TRPM6: variants seen among roughly 807,000 people sequenced by gnomAD.
TRPM6 encodes transient receptor potential cation channel subfamily M member 6.
In TRPM6, 111 loss-of-function variants were observed where a neutral mutation model predicts 247.6. The observed-to-expected ratio is 0.45, with a 90% CI of 0.38 to 0.52. The LOEUF (loss-of-function observed/expected upper bound fraction) is 0.52. TRPM6 is among the 20% of genes least tolerant of loss of function. TRPM6 has a pLI of 0.00. For missense variants in TRPM6, 2,126 were observed against 2,421.5 expected, an observed-to-expected ratio of 0.88 and a Z score of 2.56; for synonymous variants, 892 against 853.8, an observed-to-expected ratio of 1.04 and a Z score of -0.78.
chr9:74,769,166 GAC>G (rs918420493), intron 25 of TRPM6, among the ~76,000 whole-genome samples: 3 of 152,122 alleles, frequency 2.0e-5, no homozygotes, highest in Non-Finnish European at 4.4e-5. Context: ...GTTTGCTTGA[GAC>G]ACAGTCTCAT....
intron 36 of TRPM6, among the ~76,000 whole-genome samples, chr9:74,735,837 C>T (rs978696972): frequency 6.6e-6 from 1 of 152,114 alleles, no homozygotes; most frequent in Non-Finnish European, 1.5e-5. Context: ...GGTGTGGCAG[C>T]TTCTGGGGTT....
intron 6 of TRPM6, among the ~76,000 whole-genome samples, chr9:74,831,398 G>A (rs1329089287): frequency 6.6e-6 from 1 of 152,154 alleles, no homozygotes; most frequent in Non-Finnish European, 1.5e-5. Context: ...GCTGAGGCAG[G>A]AGAATCGCTT....
chr9:74,780,080 A>G (rs1418708066), intron 23 of TRPM6, among the ~76,000 whole-genome samples: 1 of 151,778 alleles, frequency 6.6e-6, no homozygotes, highest in Non-Finnish European at 1.5e-5. Context: ...GCTGAGGCAG[A>G]AGAATCACTT....
rs1462155210 is a variant in TRPM6, at chr9:74,785,947, C to A, written c.2846G>T (p.Trp949Leu). ...AAAGAAGTCCAGGAGCCGTGAGAAC[C>A]AGAATATGATGTCTATGCAGTAGAT... ...RLIYCIDIIF[W>L]FSRLLDFFAV... The change falls in exon 21 of 39, where the codon TGG (tryptophan) becomes TTG (leucine). Residue 949 changes from tryptophan (W) to leucine (L), a missense_variant. By Grantham distance (61) the Trp-to-Leu change is moderately conservative (BLOSUM62 -2). Coordinates refer to ENST00000360774, the MANE Select transcript of TRPM6 (RefSeq NM_017662.5). The A allele has an allele frequency of 6.2e-7, 1 of 1,614,218 alleles. No homozygotes were observed. The highest frequency in any genetic ancestry group is 8.5e-7 in the Non-Finnish European group (1 of 1,180,048).
intron 19 of TRPM6, among the ~76,000 whole-genome samples, chr9:74,790,006 A>ATG (rs71912381): frequency 0.17 from 22,991 of 132,420 alleles, 1,961 homozygotes; most frequent in Middle Eastern, 0.2. Flanking sequence ...TGAGAGAAAA[A>ATG]TGTGTGTGTG....
At position 74,786,065 on chromosome 9, in the gene TRPM6, A is replaced by G. The variant is rs1346138184; in HGVS notation, c.2728T>C (p.Trp910Arg). ...QKVKVWISEY[W>R]NLTETVAIGL... ...ATGGCCACAGTTTCTGTTAAGTTCC[A>G]GTACTCACTAATCCATACCTTCACC... Residue 910 changes from tryptophan to arginine, a missense_variant, in exon 21 of 39, where the codon TGG becomes CGG. Transcript: ENST00000360774. 1 of 1,614,116 alleles carries G rather than the reference A, an allele frequency of 6.2e-7. No individual in the cohort carries two copies. Among genetic ancestry groups the G allele is most frequent in the Non-Finnish European group, 8.5e-7 (1 of 1,180,046 alleles).
intron 3 of TRPM6, 104 bp from the exon 4 acceptor site, chr9:74,842,447 A>G: frequency 8.7e-7 from 1 of 1,153,228 alleles, no homozygotes; most frequent in Non-Finnish European, 1.3e-6. Flanking sequence ...ACTATTTCTT[A>G]AAACTTCACA....
Position 74,724,629 on chromosome 9 carries a change from T to C in TRPM6, c.6053A>G (p.Asp2018Gly), listed in dbSNP as rs1324000654. Residue 2018 changes from aspartate to glycine, a missense_variant, in exon 39 of 39, where the codon GAT (aspartate) becomes GGT (glycine). Asp to Gly is a moderately conservative substitution (Grantham distance 94, BLOSUM62 -1). This residue lies in a region of TRPM6 where 327 missense variants were observed against 397.7 expected (regional missense o/e 0.82). Transcript: ENST00000360774. ...ARETGRNSPE[D>G]DMQL ...CCTCCCTTTTTATAGTTGCATATCA[T>C]CTTCTGGGGAATTTCTACCCGTCTC... The C allele has an allele frequency of 6.2e-7, 1 of 1,614,224 alleles. No individual in the cohort carries two copies. Among genetic ancestry groups the C allele is most frequent in the African/African-American group, 1.3e-5 (1 of 75,070 alleles).
intron 11 of TRPM6, 32 bp from the exon 12 acceptor site, chr9:74,812,465 C>T (rs768400959): frequency 5.7e-6 from 9 of 1,585,572 alleles, no homozygotes; most frequent in South Asian, 2.2e-5. Context: ...AATATAAAGA[C>T]AATTAAGAAA....
chr9:74,723,060 C>A lies in TRPM6; in HGVS notation c.*1553G>T, dbSNP rs1273882272. 1 of 152,046 alleles carries A rather than the reference C, an allele frequency of 6.6e-6. No individual in the cohort carries two copies. 9.4% of individuals were successfully genotyped at this position (152,046 alleles called of 1,614,324 possible). On this transcript the variant is annotated 3_prime_UTR_variant, in exon 39 of 39. Coordinates refer to ENST00000360774, the MANE Select transcript of TRPM6 (RefSeq NM_017662.5). Reference sequence around the variant, plus strand: ...ATAGGATGGGGAGAGGACTCCCAGCCCCACATCTCTCCTTGTGTGAAAAGC... The same window carrying A: ...ATAGGATGGGGAGAGGACTCCCAGCACCACATCTCTCCTTGTGTGAAAAGC...
intron 16 of TRPM6, 49 bp from the exon 17 acceptor site, chr9:74,800,531 G>A (rs755204071): frequency 1.6e-6 from 2 of 1,269,410 alleles, no homozygotes; most frequent in South Asian, 1.2e-5. Context: ...TGAGAGAGCT[G>A]CATTATTAGA....
At chr9:74,788,361 A>C in intron 20 of TRPM6, among the ~76,000 whole-genome samples, 1 of 152,232 alleles carries the variant, frequency 6.6e-6, no homozygotes, top group East Asian at 1.9e-4. Context: ...AAACACACCA[A>C]GATATCCACT....
chr9:74,802,019 G>C lies in TRPM6; in HGVS notation c.1888C>G (p.His630Asp). 1 of 1,614,190 alleles carries C rather than the reference G, an allele frequency of 6.2e-7. No homozygotes were observed. The highest frequency in any genetic ancestry group is 8.5e-7 in the Non-Finnish European group (1 of 1,180,040). ...RQKMAMFFWQHGEEATVKAVI... is the reference protein window; with the variant it reads ...RQKMAMFFWQDGEEATVKAVI... ...GCTTTAACCGTGGCCTCCTCTCCAT[G>C]CTGCCAGAAGAACATAGCCATCTTC... Residue 630 changes from histidine to aspartate, a missense_variant, in exon 16 of 39, where the codon CAT becomes GAT. Physicochemically the swap from His to Asp is moderately conservative, Grantham distance 81. Around this residue, in one of 3 missense-constraint regions of TRPM6, gnomAD observed 1,082 missense variants for 1,307.9 expected, o/e 0.83. Transcript: ENST00000360774.
At chr9:74,772,098 T>C (rs1364870939) in intron 24 of TRPM6, among the ~76,000 whole-genome samples, 1 of 152,182 alleles carries the variant, frequency 6.6e-6, no homozygotes, top group Admixed American at 6.5e-5. Flanking sequence ...GAAACCAGCC[T>C]GGGCAACACA....
chr9:74,733,906 CA>C (rs1363977639), intron 36 of TRPM6, among the ~76,000 whole-genome samples: 8 of 152,180 alleles, frequency 5.3e-5, no homozygotes, highest in African/African-American at 1.9e-4. Context: ...TAGAAACCAC[CA>C]AATTCTTGAT....
rs747407468 is a variant in TRPM6, at chr9:74,842,313, A to G, written c.183T>C (p.His61=). The stretch of plus-strand genomic sequence containing the variant: ...TGGTCCAGGAATAATCTATCCCAGC[A>G]TGGTCTCCAATCAGTCGGCCACAGT... ...RCYCGRLIGD[H]AGIDYSWTIS... is the part of the protein sequence containing the mutation. Residue 61 remains histidine, a synonymous_variant, in exon 4 of 39, where the codon CAT becomes CAC. Coordinates refer to ENST00000360774, the MANE Select transcript of TRPM6 (RefSeq NM_017662.5). 1.9e-6 allele frequency: 3 copies of G among 1,614,184 alleles called. No homozygotes were observed. The highest frequency in any genetic ancestry group is 2.5e-6 in the Non-Finnish European group (3 of 1,180,034).
At chr9:74,824,060 G>A (rs1829231870) in intron 7 of TRPM6, among the ~76,000 whole-genome samples, 1 of 151,646 alleles carries the variant, frequency 6.6e-6, no homozygotes. Context: ...TTACCTGAAT[G>A]TGGAAGTATA....
Position 74,887,896 on chromosome 9 carries a change from C to T in TRPM6, c.-40G>A. On this transcript the variant is annotated 5_prime_UTR_variant, in exon 1 of 39. Transcript: ENST00000360774. The stretch of plus-strand genomic sequence containing the variant: ...CCCTGCTCCCAAAGCCCTGTCTGAG[C>T]TTTTAACTGTGGAGGCAGAAACTCT... The T allele has an allele frequency of 1.9e-6, 3 of 1,613,720 alleles. No individual in the cohort carries two copies. Among genetic ancestry groups the T allele is most frequent in the African/African-American group, 1.3e-5 (1 of 75,028 alleles).
intron 23 of TRPM6, among the ~76,000 whole-genome samples, chr9:74,780,977 G>A (rs1827419706): frequency 6.6e-6 from 1 of 152,086 alleles, no homozygotes. Context: ...TGAAGAGTTT[G>A]GGTATTTTAA....
Sources: gnomAD v4.1 joint callset for allele counts (sites outside exome capture counted in the v4.1 genomes callset) on GRCh38, gnomAD v4.1.1 for gene constraint, gnomAD v4.1.1 regional missense constraint, MANE v1.5 for transcripts, NCBI Gene and HGNC (gene_info 2026-07-23, HGNC 2026-07-21) for gene names.